Variants in CMSS1 observed in about 807,000 individuals in gnomAD.
CMSS1 encodes protein CMSS1.
Under a neutral mutation model 43.5 loss-of-function variants are expected in CMSS1, and 33 were observed. The ratio of observed to expected loss-of-function variants is 0.76; its 90% CI spans 0.57 to 1.01. The LOEUF (loss-of-function observed/expected upper bound fraction) is 1.01. CMSS1 is among the 50% of genes least tolerant of loss of function. The pLI is 0.00. For missense variants in CMSS1, 313 were observed against 326.4 expected (o/e 0.96, Z 0.32); for synonymous variants, 115 against 117.2 (o/e 0.98, Z 0.12).
At chr3:100,145,121 T>G (rs1222052011) in intron 1 of CMSS1, among the ~76,000 whole-genome samples, 1 of 152,154 alleles carries the variant, frequency 6.6e-6, no homozygotes, top group East Asian at 1.9e-4. Flanking sequence ...TGGGTAGGCT[T>G]TTTTTCTCAT....
At chr3:100,106,564 T>C (rs1405358767) in intron 1 of CMSS1, among the ~76,000 whole-genome samples, 1 of 152,176 alleles carries the variant, frequency 6.6e-6, no homozygotes, top group Non-Finnish European at 1.5e-5. Flanking sequence ...GAGAATGATT[T>C]CTTAGTTGAA....
intron 1 of CMSS1, among the ~76,000 whole-genome samples, chr3:100,107,999 TCTGGG>T (rs999641608): frequency 2.6e-5 from 4 of 152,130 alleles, no homozygotes; most frequent in Non-Finnish European, 4.4e-5. Flanking sequence ...TAATCAATTT[TCTGGG>T]ATTTTTCTTA....
intron 1 of CMSS1, among the ~76,000 whole-genome samples, chr3:99,894,870 G>A (rs190342367): frequency 2.0e-4 from 31 of 152,272 alleles, no homozygotes; most frequent in African/African-American, 5.5e-4. Flanking sequence ...TCTTGCAAAC[G>A]TATAGAGTTC....
At chr3:99,846,052 G>A (rs1314209699) in intron 1 of CMSS1, among the ~76,000 whole-genome samples, 2 of 152,152 alleles carry the variant, frequency 1.3e-5, no homozygotes, top group Non-Finnish European at 2.9e-5. Flanking sequence ...GCTCACATAA[G>A]AAATTGAATC....
At chr3:99,980,868 T>A (rs1709101363) in intron 1 of CMSS1, among the ~76,000 whole-genome samples, 2 of 152,190 alleles carry the variant, frequency 1.3e-5, no homozygotes, top group Non-Finnish European at 2.9e-5. Flanking sequence ...AGGCCAGTGC[T>A]GCTTCCTTTA....
In CMSS1 at chr3:99,910,757, T is replaced by G. The variant is rs1559684891; in HGVS notation, c.64+92714T>G. ...ACCCATACTCTTCTCAGAACCCTCA[T>G]GCAAGAAAGTAGATAACTAGAATAT... On this transcript the variant is annotated intron_variant, in intron 1 of 9. Coordinates refer to ENST00000421999, the MANE Select transcript of CMSS1 (RefSeq NM_032359.4). Among the ~76,000 whole-genome samples the G allele has an allele frequency of 1.3e-5, 2 of 151,606 alleles. 1 individual carries two copies. The highest frequency in any genetic ancestry group is 3.9e-4 in the East Asian group (2 of 5,180).
intron 1 of CMSS1, among the ~76,000 whole-genome samples, chr3:99,818,593 T>G (rs1446370928): frequency 6.6e-6 from 1 of 152,246 alleles, no homozygotes; most frequent in Non-Finnish European, 1.5e-5. Context: ...TATAAGTTAC[T>G]GTATTTCTTG....
intron 1 of CMSS1, among the ~76,000 whole-genome samples, chr3:99,979,550 C>T (rs112844237): frequency 3.1e-4 from 47 of 151,968 alleles, no homozygotes; most frequent in Middle Eastern, 3.4e-3. Flanking sequence ...AAGACTTGTT[C>T]TAATGAGAAA....
intron 1 of CMSS1, among the ~76,000 whole-genome samples, chr3:100,093,144 G>C (rs931534250): frequency 6.6e-6 from 1 of 152,038 alleles, no homozygotes; most frequent in Non-Finnish European, 1.5e-5. Flanking sequence ...TCTATGCACT[G>C]GTCATCAGAC....
At chr3:100,022,422 C>T (rs2064842989) in intron 1 of CMSS1, among the ~76,000 whole-genome samples, 1 of 152,200 alleles carries the variant, frequency 6.6e-6, no homozygotes, top group Admixed American at 6.5e-5. Flanking sequence ...CTACAGTATT[C>T]ATTCCATTTC....
chr3:99,901,834 A>G (rs1025812310), intron 1 of CMSS1, among the ~76,000 whole-genome samples: 1 of 152,136 alleles, frequency 6.6e-6, no homozygotes, highest in African/African-American at 2.4e-5. Flanking sequence ...ACATACACAC[A>G]CATTTTTAAG....
rs575270070 is a variant in CMSS1 at position 99,998,794 on chromosome 3, C to T, written c.65-148179C>T. The stretch of plus-strand genomic sequence containing the variant: ...CCGTATTAGCCAGGATGGTCTCGAT[C>T]TCCTGACCTCGTGATCCGCCCGCCT... On this transcript the variant is annotated intron_variant, in intron 1 of 9. Coordinates refer to ENST00000421999, the MANE Select transcript of CMSS1 (RefSeq NM_032359.4). Among the ~76,000 whole-genome samples, 369 of 152,344 alleles carry T rather than the reference C, an allele frequency of 2.4e-3. 1 individual carries two copies. Among genetic ancestry groups the T allele is most frequent in the African/African-American group, 8.3e-3 (346 of 41,582 alleles).
At chr3:100,142,011 C>G (rs1321146274) in intron 1 of CMSS1, among the ~76,000 whole-genome samples, 4 of 152,154 alleles carry the variant, frequency 2.6e-5, no homozygotes, top group Non-Finnish European at 5.9e-5. Context: ...TTCAGAAAAG[C>G]AGTTTCTTCT....
In CMSS1 at chr3:99,968,429, GAA is replaced by G. The variant is rs1201793323; in HGVS notation, c.64+150399_64+150400del. ...GTCCTGAAAAACTATGTTTTTGGGG[GAA>G]AAAAAAAAAAAAGACTGAATGATAT... On this transcript the variant is annotated intron_variant, in intron 1 of 9. Coordinates refer to ENST00000421999, the MANE Select transcript of CMSS1 (RefSeq NM_032359.4). 4.1e-3 allele frequency among the ~76,000 whole-genome samples: 607 copies of G among 148,592 alleles called. 7 individuals carry two copies. The highest frequency in any genetic ancestry group is 0.015 in the African/African-American group (594 of 40,474).
chr3:99,862,301 G>A (rs13077700), intron 1 of CMSS1, among the ~76,000 whole-genome samples: 497 of 152,236 alleles, frequency 3.3e-3, no homozygotes, highest in East Asian at 5.2e-3. Flanking sequence ...GTGAGACAAC[G>A]TCAGTCACAA....
chr3:99,902,014 A>G (rs1706454334), intron 1 of CMSS1, among the ~76,000 whole-genome samples: 1 of 152,208 alleles, frequency 6.6e-6, no homozygotes, highest in African/African-American at 2.4e-5. Context: ...ATAATCTGCC[A>G]GTAATATATG....
At chr3:99,961,898 G>A (rs1178188244) in intron 1 of CMSS1, among the ~76,000 whole-genome samples, 1 of 68,378 alleles carries the variant, frequency 1.5e-5, no homozygotes, top group African/African-American at 1.0e-4. Context: ...CTAGAAACTA[G>A]GGAAGCACTG....
intron 1 of CMSS1, among the ~76,000 whole-genome samples, chr3:100,077,763 AGC>A: frequency 6.6e-6 from 1 of 152,260 alleles, no homozygotes; most frequent in South Asian, 2.1e-4. Context: ...TAAAAAAATT[AGC>A]CAAGCATGGC....
chr3:99,859,241 T>C (rs1332725009), intron 1 of CMSS1, among the ~76,000 whole-genome samples: 3 of 152,250 alleles, frequency 2.0e-5, no homozygotes, highest in Non-Finnish European at 4.4e-5. Context: ...ACAGCTACTA[T>C]GTGCAAGGCA....
Sources: gnomAD v4.1 joint callset for allele counts (sites outside exome capture counted in the v4.1 genomes callset) on GRCh38, gnomAD v4.1.1 for gene constraint, MANE v1.5 for transcripts, NCBI Gene and HGNC (gene_info 2026-07-23, HGNC 2026-07-21) for gene names.